EXOC4: variants seen among roughly 807,000 people sequenced by gnomAD.
EXOC4 encodes exocyst complex component 4.
A neutral mutation model predicts 107.2 loss-of-function variants in EXOC4; 71 were observed. That is an observed-to-expected ratio of 0.66 (90% confidence interval 0.55 to 0.81). The LOEUF (loss-of-function observed/expected upper bound fraction) is 0.81, where lower values mean the gene tolerates loss of function less well. Ranked by LOEUF, EXOC4 falls within the 30% of genes least tolerant of loss-of-function variation. The pLI is 0.00. For missense variants in EXOC4, 1,108 were observed against 1,189.6 expected (o/e 0.93, Z 1.01); for synonymous variants, 456 against 441.2 (o/e 1.03, Z -0.42).
At chr7:133,909,100 A>G (rs1195943493) in intron 12 of EXOC4, among the ~76,000 whole-genome samples, 1 of 152,122 alleles carries the variant, frequency 6.6e-6, no homozygotes, top group African/African-American at 2.4e-5. Flanking sequence ...TGGTCCAGAA[A>G]GATATTTTTA....
chr7:133,430,466 T>TCC (rs1456039862), intron 7 of EXOC4, among the ~76,000 whole-genome samples: 1 of 152,176 alleles, frequency 6.6e-6, no homozygotes, highest in Non-Finnish European at 1.5e-5. Context: ...CTGCTTCTGG[T>TCC]CCATATCAAT....
intron 9 of EXOC4, among the ~76,000 whole-genome samples, chr7:133,606,947 AT>A (rs1801963735): frequency 6.6e-6 from 1 of 151,964 alleles, no homozygotes; most frequent in Non-Finnish European, 1.5e-5. Flanking sequence ...TCCATCTGTT[AT>A]TATTTCTTGT....
intron 10 of EXOC4, among the ~76,000 whole-genome samples, chr7:133,808,839 T>TATGGACTTAGAGTGCACA (rs1413664303): frequency 2.0e-5 from 3 of 152,148 alleles, no homozygotes; most frequent in Admixed American, 6.6e-5. Flanking sequence ...GTCCATGATT[T>TATGGACTTAGAGTGCACA]CCCTTAGAGT....
chr7:133,801,089 T>C (rs1037521752), intron 10 of EXOC4, among the ~76,000 whole-genome samples: 4 of 152,136 alleles, frequency 2.6e-5, no homozygotes, highest in Non-Finnish European at 4.4e-5. Context: ...AGAAAAAAAT[T>C]GTTAGTATCT....
chr7:134,029,421 G>T (rs1389213897), intron 17 of EXOC4, among the ~76,000 whole-genome samples: 1 of 152,286 alleles, frequency 6.6e-6, no homozygotes, highest in African/African-American at 2.4e-5. Context: ...TTCACTTTAG[G>T]GCTGGATGGA....
At chr7:134,016,072 C>T (rs1308906676) in intron 17 of EXOC4, among the ~76,000 whole-genome samples, 1 of 151,868 alleles carries the variant, frequency 6.6e-6, no homozygotes, top group Non-Finnish European at 1.5e-5. Flanking sequence ...AGTGTCTAGC[C>T]AGATCACACT....
chr7:133,596,805 C>T (rs1159312328), intron 9 of EXOC4, among the ~76,000 whole-genome samples: 1 of 152,200 alleles, frequency 6.6e-6, no homozygotes, highest in Non-Finnish European at 1.5e-5. Context: ...ATCTCTTTCT[C>T]ACTCTCCTTT....
intron 5 of EXOC4, among the ~76,000 whole-genome samples, chr7:133,349,747 G>A (rs746179796): frequency 6.6e-6 from 1 of 151,972 alleles, no homozygotes; most frequent in Admixed American, 6.6e-5. Context: ...CCGCAATATG[G>A]GTTTTCATAG....
chr7:133,677,362 A>T (rs991084943), intron 10 of EXOC4, among the ~76,000 whole-genome samples: 34 of 152,134 alleles, frequency 2.2e-4, no homozygotes, highest in African/African-American at 8.2e-4. Context: ...CCATGATTTC[A>T]TCTTTAGACA....
At chr7:133,419,262 A>G (rs1423321075) in intron 7 of EXOC4, among the ~76,000 whole-genome samples, 1 of 152,238 alleles carries the variant, frequency 6.6e-6, no homozygotes, top group East Asian at 1.9e-4. Context: ...ATATGAGCTG[A>G]TGTATGGTTA....
chr7:133,584,855 C>T (rs370721971), intron 9 of EXOC4, among the ~76,000 whole-genome samples: 5 of 152,050 alleles, frequency 3.3e-5, no homozygotes, highest in Middle Eastern at 3.2e-3. Context: ...GGATTACAGG[C>T]GTGAGCCACC....
intron 1 of EXOC4, among the ~76,000 whole-genome samples, chr7:133,261,173 A>G (rs1795142717): frequency 6.6e-6 from 1 of 151,754 alleles, no homozygotes; most frequent in African/African-American, 2.4e-5. Flanking sequence ...TAACAGTTTT[A>G]ATGTCCTTGT....
At chr7:133,947,161 T>A (rs1800573113) in intron 14 of EXOC4, among the ~76,000 whole-genome samples, 1 of 152,222 alleles carries the variant, frequency 6.6e-6, no homozygotes, top group Non-Finnish European at 1.5e-5. Context: ...GCTCTAACTA[T>A]TAAATGATCT....
intron 10 of EXOC4, among the ~76,000 whole-genome samples, chr7:133,751,858 G>C (rs1027331317): frequency 2.0e-5 from 3 of 151,774 alleles, no homozygotes; most frequent in Admixed American, 2.0e-4. Context: ...TTCAAGACCA[G>C]CATTAGCCAG....
rs189316111 is a variant in EXOC4 at position 133,333,401 on chromosome 7, G to A, written c.763+16011G>A. ...CTCATCTTGTACTTCCCCTCCCTTT[G>A]CCTTGGAATTAACCATTTCTCTAAG... On this transcript the variant is annotated intron_variant, in intron 5 of 17. Coordinates refer to ENST00000253861, the MANE Select transcript of EXOC4 (RefSeq NM_021807.4). Among the ~76,000 whole-genome samples, 276 of 151,742 alleles carry A rather than the reference G, an allele frequency of 1.8e-3. 2 individuals carry two copies. The highest frequency in any genetic ancestry group is 6.1e-3 in the African/African-American group (253 of 41,368).
chr7:134,054,123 T>G (rs542779858), intron 17 of EXOC4, among the ~76,000 whole-genome samples: 35 of 152,130 alleles, frequency 2.3e-4, no homozygotes, highest in Non-Finnish European at 4.6e-4. Flanking sequence ...TTTTTTATAT[T>G]TTTGGTAAAG....
At chr7:133,822,357 T>C (rs1797540938) in intron 11 of EXOC4, among the ~76,000 whole-genome samples, 1 of 152,210 alleles carries the variant, frequency 6.6e-6, no homozygotes, top group African/African-American at 2.4e-5. Context: ...CCATTTAATT[T>C]ATTTCTTCTT....
At chr7:133,685,261 A>G (rs1794271715) in intron 10 of EXOC4, among the ~76,000 whole-genome samples, 2 of 152,114 alleles carry the variant, frequency 1.3e-5, no homozygotes, top group African/African-American at 4.8e-5. Flanking sequence ...AGGTCATTTA[A>G]TCATGGAGTG....
intron 7 of EXOC4, among the ~76,000 whole-genome samples, chr7:133,464,806 GGTTGGTTTTTTTT>G (rs1798681078): frequency 2.9e-4 from 8 of 27,144 alleles, no homozygotes; most frequent in Non-Finnish European, 5.6e-4. Flanking sequence ...TTGTTGGTTG[GGTTGGTTTTTTTT>G]TTTTTTTTTT....
Sources: allele counts gnomAD v4.1 joint callset (sites outside exome capture counted in the v4.1 genomes callset), GRCh38; gene constraint gnomAD v4.1.1; transcripts MANE v1.5; gene names NCBI Gene and HGNC (gene_info 2026-07-23, HGNC 2026-07-21).